Variants in TPRG1 observed in about 807,000 individuals in gnomAD.
TPRG1 encodes tumor protein p63-regulated gene 1 protein.
A neutral mutation model predicts 29.3 loss-of-function variants in TPRG1; 29 were observed. The observed-to-expected ratio is 0.99, with a 90% confidence interval of 0.74 to 1.35. The LOEUF is 1.35. TPRG1 is among the 40% of genes most tolerant of loss of function. The probability of loss-of-function intolerance (pLI) is 0.00; values close to 1 mark genes in which losing one functional copy is unlikely to be tolerated. For missense variants in TPRG1, 327 were observed against 335.0 expected (o/e 0.98, Z 0.19); for synonymous variants, 130 against 116.8 (o/e 1.11, Z -0.73).
At chr3:189,167,611 A>G (rs1014996158), upstream of TPRG1, among the ~76,000 whole-genome samples, 2 of 152,192 alleles carry the variant, frequency 1.3e-5, no homozygotes, top group African/African-American at 2.4e-5. Context: ...ACCAAGCACA[A>G]GGCCCTTCTA....
At chr3:189,222,615 C>G (rs957308153) in intron 3 of TPRG1, among the ~76,000 whole-genome samples, 1 of 152,152 alleles carries the variant, frequency 6.6e-6, no homozygotes, top group African/African-American at 2.4e-5. Flanking sequence ...ACAGGATCCC[C>G]AGTTGATTCC....
At chr3:189,080,005 G>A (rs75645782) in intron 4 of TPRG1, among the ~76,000 whole-genome samples, 1,814 of 152,232 alleles carry the variant, frequency 0.012, 34 homozygotes, top group African/African-American at 0.04. Flanking sequence ...TTGGATGCAC[G>A]TTGTATAGCT....
intron 2 of TPRG1, among the ~76,000 whole-genome samples, chr3:189,130,824 C>A (rs145912146): frequency 2.6e-5 from 4 of 152,320 alleles, no homozygotes; most frequent in Non-Finnish European, 5.9e-5. Context: ...CATTTACATT[C>A]TTCCTCAAAT....
chr3:189,184,932 A>AG (rs1730717210), intron 1 of TPRG1, among the ~76,000 whole-genome samples: 1 of 152,182 alleles, frequency 6.6e-6, no homozygotes, highest in African/African-American at 2.4e-5. Flanking sequence ...TGGAGATAAA[A>AG]GGCACTTACC....
intron 1 of TPRG1, among the ~76,000 whole-genome samples, chr3:189,181,880 A>G (rs1045761129): frequency 3.3e-5 from 5 of 152,338 alleles, no homozygotes; most frequent in African/African-American, 1.2e-4. Context: ...TGAAAGAAAG[A>G]GTTTTAATGG....
chr3:189,003,652 C>T (rs971339401), intron 2 of TPRG1, among the ~76,000 whole-genome samples: 2 of 152,182 alleles, frequency 1.3e-5, no homozygotes, highest in Admixed American at 6.6e-5. Flanking sequence ...TCTTTGGTGA[C>T]TGAGTATGAC....
intron 4 of TPRG1, among the ~76,000 whole-genome samples, chr3:189,264,259 A>G (rs1018020815): frequency 4.6e-5 from 7 of 152,122 alleles, no homozygotes; most frequent in African/African-American, 1.7e-4. Flanking sequence ...CCTTCTTTCT[A>G]ACTTTGCTCC....
At chr3:189,315,527 G>A (rs1250882111) in intron 5 of TPRG1, 1 of 455,326 alleles carries the variant, frequency 2.2e-6, no homozygotes, top group Non-Finnish European at 4.4e-6. Context: ...GATGAGTACT[G>A]AACCCAGAAC....
chr3:189,078,091 C>CTCTTTCTCTCTT lies in TPRG1; in HGVS notation c.-462-48959_-462-48958insCTCTTTCTTTCT, dbSNP rs1553899974. On this transcript the variant is annotated intron_variant, in intron 4 of 10. Transcript: ENST00000433971. ...CTCCTTTCTCTCTTTCTCTCTTTCT[C>CTCTTTCTCTCTT]TCTTTCTTTCTTTCTTTCTTTCTTT... 1.0e-3 allele frequency among the ~76,000 whole-genome samples: 88 copies of CTCTTTCTCTCTT among 85,194 alleles called. 1 individual carries two copies. Among genetic ancestry groups the CTCTTTCTCTCTT allele is most frequent in the Middle Eastern group, 6.8e-3 (1 of 148 alleles). The allele number at this position is 85,194 out of a possible 152,430, so 55.9% of individuals were successfully genotyped here. A position where few individuals can be genotyped will look rare whatever the true frequency, so the allele number is the denominator to read the frequency against.
intron 4 of TPRG1, among the ~76,000 whole-genome samples, chr3:189,052,727 TTA>T (rs369649569): frequency 6.7e-5 from 10 of 150,316 alleles, no homozygotes; most frequent in African/African-American, 7.3e-5. Context: ...AAAGAAACTA[TTA>T]TATATATATA....
At chr3:189,209,114 T>G (rs2108812797) in intron 2 of TPRG1, among the ~76,000 whole-genome samples, 1 of 152,328 alleles carries the variant, frequency 6.6e-6, no homozygotes, top group East Asian at 1.9e-4. Flanking sequence ...GAGGTCACTT[T>G]TAGAAGCTAG....
chr3:189,202,601 T>C (rs950286875), intron 1 of TPRG1, among the ~76,000 whole-genome samples: 2 of 152,200 alleles, frequency 1.3e-5, no homozygotes, highest in African/African-American at 4.8e-5. Flanking sequence ...TTTAAAACTT[T>C]TAAATTTGTG....
At chr3:189,164,051 G>A (rs1025722334) in intron 5 of TPRG1, among the ~76,000 whole-genome samples, 2 of 152,054 alleles carry the variant, frequency 1.3e-5, no homozygotes, top group South Asian at 4.1e-4. Context: ...TTTACATGAA[G>A]TTGGGAACTT....
intron 1 of TPRG1, among the ~76,000 whole-genome samples, chr3:189,117,136 T>C (rs1021087035): frequency 4.6e-5 from 7 of 152,182 alleles, no homozygotes; most frequent in Non-Finnish European, 4.4e-5. Flanking sequence ...ATGCAAATAC[T>C]TTATTGGGAC....
chr3:189,254,314 A>G (rs1579055937), intron 4 of TPRG1, among the ~76,000 whole-genome samples: 1 of 152,186 alleles, frequency 6.6e-6, no homozygotes, highest in Admixed American at 6.5e-5. Context: ...TAGGTTTGTC[A>G]AAGATTAGAT....
chr3:189,023,043 C>T (rs528863268), intron 3 of TPRG1, among the ~76,000 whole-genome samples: 18 of 152,364 alleles, frequency 1.2e-4, no homozygotes, highest in African/African-American at 3.4e-4. Context: ...CTCCCTGACC[C>T]CTTGCACTTC....
intron 3 of TPRG1, among the ~76,000 whole-genome samples, chr3:189,139,989 A>G (rs1724323599): frequency 1.3e-5 from 2 of 152,220 alleles, no homozygotes; most frequent in African/African-American, 2.4e-5. Context: ...GATCTTGACA[A>G]GAGCTGTCCA....
chr3:189,072,825 G>A (rs1560427245), intron 4 of TPRG1, among the ~76,000 whole-genome samples: 1 of 151,734 alleles, frequency 6.6e-6, no homozygotes, highest in African/African-American at 2.4e-5. Flanking sequence ...TTATTAGTAG[G>A]GACTCATGGA....
intron 1 of TPRG1, among the ~76,000 whole-genome samples, chr3:189,197,307 T>C (rs1732704817): frequency 6.6e-6 from 1 of 152,212 alleles, no homozygotes; most frequent in South Asian, 2.1e-4. Context: ...AACATCTGAG[T>C]CTTTACAGGC....
Sources: gnomAD v4.1 joint callset for allele counts (sites outside exome capture counted in the v4.1 genomes callset) on GRCh38, gnomAD v4.1.1 for gene constraint, MANE v1.5 for transcripts, NCBI Gene and HGNC (gene_info 2026-07-23, HGNC 2026-07-21) for gene names.